Variants in CNTNAP2 observed in about 807,000 individuals in gnomAD.
The protein encoded by CNTNAP2 is contactin associated protein 2, also known as contactin-associated protein-like 2.
In CNTNAP2, 98 loss-of-function variants were observed where a neutral mutation model predicts 155.2. The ratio of observed to expected loss-of-function variants is 0.63; its 90% CI spans 0.54 to 0.75. The LOEUF is 0.75. Among genes scored for constraint, CNTNAP2 ranks in the 30% least tolerant of loss-of-function variants. The pLI is 0.00. For missense variants in CNTNAP2, 1,727 were observed against 1,688.1 expected, an observed-to-expected ratio of 1.02 and a Z score of -0.40; for synonymous variants, 651 against 631.2, an observed-to-expected ratio of 1.03 and a Z score of -0.47.
chr7:146,489,238 T>G (rs139469883), intron 1 of CNTNAP2, among the ~76,000 whole-genome samples: 2 of 152,300 alleles, frequency 1.3e-5, no homozygotes, highest in East Asian at 3.9e-4. Flanking sequence ...TACTGAAAAC[T>G]CCTTAACATC....
intron 1 of CNTNAP2, among the ~76,000 whole-genome samples, chr7:146,211,768 A>G (rs1217028483): frequency 2.0e-5 from 3 of 152,124 alleles, no homozygotes; most frequent in African/African-American, 7.2e-5. Flanking sequence ...TAGAATTTAT[A>G]TATTATTTAT....
chr7:147,850,818 T>G (rs200168439), intron 13 of CNTNAP2, among the ~76,000 whole-genome samples: 1 of 151,896 alleles, frequency 6.6e-6, no homozygotes, highest in African/African-American at 2.4e-5. Context: ...CCATAAAAAC[T>G]CTAGAAGAAA....
intron 13 of CNTNAP2, among the ~76,000 whole-genome samples, chr7:147,649,363 C>G (rs2116938724): frequency 6.6e-6 from 1 of 152,194 alleles, no homozygotes; most frequent in South Asian, 2.1e-4. Flanking sequence ...AATACTTATT[C>G]TAGTATAGAA....
At chr7:147,046,967 G>A (rs1025683703) in intron 4 of CNTNAP2, among the ~76,000 whole-genome samples, 11 of 146,702 alleles carry the variant, frequency 7.5e-5, no homozygotes, top group Non-Finnish European at 1.2e-4. Context: ...GGGAGGTGGA[G>A]CTTGCAGTGA....
intron 8 of CNTNAP2, among the ~76,000 whole-genome samples, chr7:147,197,379 C>T (rs879707051): frequency 2.4e-5 from 3 of 125,570 alleles, no homozygotes; most frequent in Admixed American, 9.8e-5. Context: ...GATAAATAAT[C>T]TGCTTTTGTC....
intron 3 of CNTNAP2, among the ~76,000 whole-genome samples, chr7:147,042,705 A>G (rs889223136): frequency 6.6e-6 from 1 of 152,182 alleles, no homozygotes; most frequent in Admixed American, 6.5e-5. Flanking sequence ...TAACAATGTA[A>G]TATAATGCCT....
intron 1 of CNTNAP2, among the ~76,000 whole-genome samples, chr7:146,332,624 C>A (rs1351054722): frequency 6.6e-6 from 1 of 152,080 alleles, no homozygotes; most frequent in African/African-American, 2.4e-5. Flanking sequence ...AAATAGAAAG[C>A]TATATCTATG....
chr7:146,991,118 C>T (rs1158218946), intron 3 of CNTNAP2, among the ~76,000 whole-genome samples: 1 of 151,724 alleles, frequency 6.6e-6, no homozygotes, highest in African/African-American at 2.4e-5. Flanking sequence ...CAAGAAAGAA[C>T]TAAATGCATT....
intron 13 of CNTNAP2, among the ~76,000 whole-genome samples, chr7:147,834,990 G>A (rs544391035): frequency 6.6e-6 from 1 of 152,088 alleles, no homozygotes; most frequent in Non-Finnish European, 1.5e-5. Context: ...ACCAACTCAC[G>A]TTTCTTTAAT....
intron 17 of CNTNAP2, among the ~76,000 whole-genome samples, chr7:148,161,979 C>T (rs1805553613): frequency 6.6e-6 from 1 of 152,178 alleles, no homozygotes; most frequent in Non-Finnish European, 1.5e-5. Flanking sequence ...ACTAATCCCT[C>T]ACGGATCCAT....
intron 4 of CNTNAP2, among the ~76,000 whole-genome samples, chr7:147,092,935 G>T (rs2129273813): frequency 6.6e-6 from 1 of 152,136 alleles, no homozygotes; most frequent in African/African-American, 2.4e-5. Flanking sequence ...GAAGGAAAAG[G>T]GGTATGGCCG....
intron 1 of CNTNAP2, among the ~76,000 whole-genome samples, chr7:146,404,815 A>G (rs1257915426): frequency 6.6e-6 from 1 of 151,808 alleles, no homozygotes; most frequent in Non-Finnish European, 1.5e-5. Flanking sequence ...AAACTTCTCT[A>G]CTTAGCTAAT....
rs570153462 is a variant in CNTNAP2, at chr7:147,699,003, G to A, written c.2098+59697G>A. ...GGAAACAGAAATCAGACATTATAAAGCAAAGATTGACCAATAGAACTAAAG... is the reference window on the plus strand; with the variant it reads ...GGAAACAGAAATCAGACATTATAAAACAAAGATTGACCAATAGAACTAAAG... On this transcript the variant is annotated intron_variant, in intron 13 of 23. Coordinates refer to ENST00000361727, the MANE Select transcript of CNTNAP2 (RefSeq NM_014141.6). Among the ~76,000 whole-genome samples the A allele has an allele frequency of 7.4e-4, 113 of 152,162 alleles. 1 individual carries two copies. The highest frequency in any genetic ancestry group is 2.4e-3 in the African/African-American group (99 of 41,518).
In CNTNAP2 at chr7:148,058,516, C is replaced by T. The variant is rs554886471; in HGVS notation, c.2384-59602C>T. 4.5e-4 allele frequency among the ~76,000 whole-genome samples: 68 copies of T among 152,224 alleles called. 1 individual carries two copies. Among genetic ancestry groups the T allele is most frequent in the African/African-American group, 1.6e-3 (67 of 41,514 alleles). ...GCAGAGTATAATTCATGTGGCAATA[C>T]CTGGCTCTTTATGGCCCGTAGTTTT... On this transcript the variant is annotated intron_variant, in intron 15 of 23. Coordinates refer to ENST00000361727, the MANE Select transcript of CNTNAP2 (RefSeq NM_014141.6).
intron 9 of CNTNAP2, among the ~76,000 whole-genome samples, chr7:147,368,022 T>G (rs1017474503): frequency 3.7e-5 from 1 of 26,844 alleles, no homozygotes; most frequent in African/African-American, 2.0e-4. Flanking sequence ...CTCCCCCCCC[T>G]CCCCCTCCTC....
At chr7:147,739,008 G>A (rs1796907971) in intron 13 of CNTNAP2, among the ~76,000 whole-genome samples, 1 of 152,016 alleles carries the variant, frequency 6.6e-6, no homozygotes, top group Non-Finnish European at 1.5e-5. Flanking sequence ...TGACTGTTTT[G>A]TAGTATTCAC....
At chr7:147,930,857 A>G (rs1199889922) in intron 14 of CNTNAP2, among the ~76,000 whole-genome samples, 2 of 152,236 alleles carry the variant, frequency 1.3e-5, no homozygotes, top group South Asian at 2.1e-4. Context: ...TCTGATCACA[A>G]TGGAATGAAA....
intron 13 of CNTNAP2, among the ~76,000 whole-genome samples, chr7:147,740,598 G>A (rs1194162848): frequency 6.6e-6 from 1 of 152,208 alleles, no homozygotes; most frequent in East Asian, 1.9e-4. Context: ...TAGGGTTTAT[G>A]AATAGGAAGA....
chr7:147,303,621 C>A (rs1053190655), intron 9 of CNTNAP2, among the ~76,000 whole-genome samples: 1 of 152,184 alleles, frequency 6.6e-6, no homozygotes, highest in Non-Finnish European at 1.5e-5. Context: ...GCTTTGGAAT[C>A]CTGCATACCT....
Sources: gnomAD v4.1 joint callset for allele counts (sites outside exome capture counted in the v4.1 genomes callset) on GRCh38, gnomAD v4.1.1 for gene constraint, MANE v1.5 for transcripts, NCBI Gene and HGNC (gene_info 2026-07-23, HGNC 2026-07-21) for gene names.